SYNPO2: variants seen among roughly 807,000 people sequenced by gnomAD.
SYNPO2 encodes synaptopodin 2, also known as synaptopodin-2.
A neutral mutation model predicts 85.0 loss-of-function variants in SYNPO2; 56 were observed. The observed-to-expected ratio is 0.66, with a 90% CI of 0.53 to 0.82. The LOEUF (loss-of-function observed/expected upper bound fraction) is 0.82, where lower values mean the gene tolerates loss of function less well. SYNPO2 is among the 40% of genes least tolerant of loss of function. SYNPO2 has a pLI of 0.00. For synonymous variants in SYNPO2, 602 were observed against 591.1 expected (o/e 1.02, Z -0.27); for missense variants, 1,575 against 1,534.2 (o/e 1.03, Z -0.44).
intron 1 of SYNPO2, among the ~76,000 whole-genome samples, chr4:118,883,296 A>C (rs2149110939): frequency 6.6e-6 from 1 of 152,262 alleles, no homozygotes; most frequent in South Asian, 2.1e-4. Flanking sequence ...AGTTCTTTGA[A>C]TAATTAGGAA....
intron 1 of SYNPO2, among the ~76,000 whole-genome samples, chr4:118,939,939 C>T (rs2149137004): frequency 6.6e-6 from 1 of 151,430 alleles, no homozygotes; most frequent in Admixed American, 6.6e-5. Flanking sequence ...TAGAGTGCCA[C>T]ACACAAAGCA....
chr4:119,008,023 G>A (rs1414266247), intron 1 of SYNPO2, among the ~76,000 whole-genome samples: 1 of 152,146 alleles, frequency 6.6e-6, no homozygotes, highest in Non-Finnish European at 1.5e-5. Flanking sequence ...ACACAAATGG[G>A]AGACTAAATT....
intron 1 of SYNPO2, among the ~76,000 whole-genome samples, chr4:118,989,293 T>C (rs959512328): frequency 1.6e-4 from 25 of 152,150 alleles, no homozygotes; most frequent in African/African-American, 5.8e-4. Flanking sequence ...GAGGTGTTCA[T>C]CTTCTGGGGG....
chr4:118,886,447 C>A (rs1369475772), upstream of SYNPO2, among the ~76,000 whole-genome samples: 1 of 152,122 alleles, frequency 6.6e-6, no homozygotes, highest in African/African-American at 2.4e-5. Context: ...GTTTCCCTCC[C>A]TGTGTCTATG....
intron 1 of SYNPO2, among the ~76,000 whole-genome samples, chr4:118,974,831 G>A (rs1186542418): frequency 1.3e-5 from 2 of 152,016 alleles, no homozygotes; most frequent in African/African-American, 4.8e-5. Context: ...CCTCCTTCCT[G>A]GGGTTATTAC....
rs1461863053 is a variant in SYNPO2 at position 119,007,228 on chromosome 4, A to ATG, written c.106-16201_106-16200insGT. Among the ~76,000 whole-genome samples the ATG allele has an allele frequency of 1.7e-3, 85 of 49,010 alleles. 3 individuals are homozygous for ATG. The highest frequency in any genetic ancestry group is 0.011 in the Middle Eastern group (1 of 92). The allele number at this position is 49,010 out of a possible 152,430, so 32.2% of individuals were successfully genotyped here. A position where few individuals can be genotyped will look rare whatever the true frequency, so the allele number is the denominator to read the frequency against. ...AAAAAGAACAAAGGTATATATATAT[A>ATG]TATATATATATATATATGTATATAC... On this transcript the variant is annotated intron_variant, in intron 1 of 4. Coordinates refer to ENST00000307142, the MANE Select transcript of SYNPO2 (RefSeq NM_133477.3).
chr4:118,896,373 G>C lies in SYNPO2; in HGVS notation c.105+7232G>C, dbSNP rs77880205. ...TATCAATAAACCTGAAGAATATATG[G>C]ACTCCAAGTTTATTGTGTCTTTTCT... On this transcript the variant is annotated intron_variant, in intron 1 of 4. Transcript: ENST00000307142. Among the ~76,000 whole-genome samples the C allele has an allele frequency of 1.2e-4, 18 of 152,210 alleles. No homozygotes were observed. In the East Asian group the frequency reaches 3.5e-3, roughly 29 times the overall value.
chr4:119,047,073 T>A (rs1377574484), intron 4 of SYNPO2, among the ~76,000 whole-genome samples: 1 of 152,224 alleles, frequency 6.6e-6, no homozygotes, highest in African/African-American at 2.4e-5. Context: ...TATTTATTTT[T>A]TTTTTAGATG....
At chr4:118,922,676 A>G (rs1211587490) in intron 1 of SYNPO2, among the ~76,000 whole-genome samples, 1 of 150,884 alleles carries the variant, frequency 6.6e-6, no homozygotes, top group Non-Finnish European at 1.5e-5. Context: ...GGTTAAGGTA[A>G]CAGCCTTTTT....
intron 1 of SYNPO2, among the ~76,000 whole-genome samples, chr4:118,997,848 C>T (rs1254461032): frequency 1.3e-5 from 2 of 152,228 alleles, no homozygotes; most frequent in African/African-American, 4.8e-5. Flanking sequence ...CAGCTCTGTT[C>T]TGTGCTCAGT....
intron 1 of SYNPO2, among the ~76,000 whole-genome samples, chr4:119,006,946 A>G (rs1333593095): frequency 6.6e-6 from 1 of 151,702 alleles, no homozygotes; most frequent in African/African-American, 2.4e-5. Flanking sequence ...CTTCAGGTAC[A>G]CTTAATTTGT....
intron 4 of SYNPO2, among the ~76,000 whole-genome samples, chr4:119,039,890 T>G (rs145876139): frequency 6.6e-6 from 1 of 152,318 alleles, no homozygotes; most frequent in African/African-American, 2.4e-5. Context: ...ATAAGGTGTG[T>G]AAACCTTGAG....
At position 118,863,925 on chromosome 4, in the gene SYNPO2, G is replaced by C. The variant is rs538629067; in HGVS notation, c.12+12985G>C. Among the ~76,000 whole-genome samples, 3 of 152,216 alleles carry C rather than the reference G, an allele frequency of 2.0e-5. No homozygotes were observed. In the South Asian group the frequency reaches 6.2e-4, roughly 32 times the overall value. On this transcript the variant is annotated intron_variant, in intron 1 of 4. Coordinates refer to the SYNPO2 transcript ENST00000610556. Reference sequence around the variant, plus strand: ...CCCATCTTTGCTTCATTGATCTTTTGTACTGTTTTCTTCATTCCAATTTTA... The same window carrying C: ...CCCATCTTTGCTTCATTGATCTTTTCTACTGTTTTCTTCATTCCAATTTTA...
At chr4:118,974,500 T>G (rs1353909672) in intron 1 of SYNPO2, among the ~76,000 whole-genome samples, 1 of 152,266 alleles carries the variant, frequency 6.6e-6, no homozygotes, top group African/African-American at 2.4e-5. Flanking sequence ...CTCCCACATC[T>G]ATCCCTAATT....
intron 1 of SYNPO2, among the ~76,000 whole-genome samples, chr4:118,863,012 T>A (rs530185096): frequency 6.6e-6 from 1 of 152,264 alleles, no homozygotes; most frequent in South Asian, 2.1e-4. Flanking sequence ...GATTTCACCA[T>A]CTTGGCCAGG....
At chr4:119,006,065 G>T (rs76583465) in intron 1 of SYNPO2, 2,391 of 153,194 alleles carry the variant, frequency 0.016, 57 homozygotes, top group African/African-American at 0.054. Context: ...GCAACAGGAA[G>T]CTGCAGCTCA....
chr4:118,949,560 G>A (rs1734624731), intron 1 of SYNPO2, among the ~76,000 whole-genome samples: 2 of 150,954 alleles, frequency 1.3e-5, no homozygotes, highest in African/African-American at 4.9e-5. Flanking sequence ...TGGCCAACAT[G>A]GTGAAACCTG....
chr4:119,057,923 C>T lies in SYNPO2; in HGVS notation c.3775C>T (p.Arg1259Cys), dbSNP rs759582546. ...NYNPHPRGWRRQT is the reference protein window; with the variant it reads ...NYNPHPRGWRCQT ...CAACCCACACCCAAGGGGATGGAGA[C>T]GCCAAACATGAAAGTTAGAAGAACG... Residue 1259 changes from arginine to cysteine, a missense_variant, in exon 5 of 5, where the codon CGC becomes TGC. By Grantham distance (180) the Arg-to-Cys change is radical. Coordinates refer to ENST00000307142, the MANE Select transcript of SYNPO2 (RefSeq NM_133477.3). 3.2e-5 allele frequency: 51 copies of T among 1,609,034 alleles called. No individual in the cohort carries two copies. In the East Asian group the frequency reaches 4.2e-4, roughly 13 times the overall value.
chr4:118,868,583 G>A (rs2110570451), intron 1 of SYNPO2, among the ~76,000 whole-genome samples: 2 of 152,156 alleles, frequency 1.3e-5, no homozygotes, highest in East Asian at 3.9e-4. Flanking sequence ...ATATATGATG[G>A]CCTTATTCCC....
Sources: allele counts gnomAD v4.1 joint callset (sites outside exome capture counted in the v4.1 genomes callset), GRCh38; gene constraint gnomAD v4.1.1; transcripts MANE v1.5; gene names NCBI Gene and HGNC (gene_info 2026-07-23, HGNC 2026-07-21).